Variants in CUL3 observed in about 807,000 individuals in gnomAD.
The protein encoded by CUL3 is cullin 3.
Under a neutral mutation model 89.1 loss-of-function variants are expected in CUL3, and 19 were observed. The observed-to-expected ratio is 0.21, with a 90% confidence interval of 0.15 to 0.31. The LOEUF (loss-of-function observed/expected upper bound fraction) is 0.31. CUL3 is among the 10% of genes least tolerant of loss of function. The pLI, the probability that CUL3 is intolerant of heterozygous loss-of-function variation, is 1.00. For synonymous variants in CUL3, 351 were observed against 308.4 expected, an observed-to-expected ratio of 1.14 and a Z score of -1.45; for missense variants, 469 against 942.3, an observed-to-expected ratio of 0.50 and a Z score of 6.58.
intron 13 of CUL3, among the ~76,000 whole-genome samples, chr2:224,484,778 C>T (rs953197815): frequency 2.0e-5 from 3 of 152,188 alleles, no homozygotes; most frequent in Admixed American, 2.0e-4. Context: ...CTACCCTCTT[C>T]TCATTCCCAC....
At chr2:224,575,949 T>C (rs1695287741) in intron 1 of CUL3, among the ~76,000 whole-genome samples, 1 of 152,080 alleles carries the variant, frequency 6.6e-6, no homozygotes, top group East Asian at 1.9e-4. Flanking sequence ...ATGAATGACT[T>C]CCACATGCAA....
chr2:224,491,544 T>C (rs897758260), intron 13 of CUL3, among the ~76,000 whole-genome samples: 1 of 152,218 alleles, frequency 6.6e-6, no homozygotes, highest in Non-Finnish European at 1.5e-5. Flanking sequence ...TTCCTGATAC[T>C]TATGAATTTC....
At chr2:224,563,774 TAAC>T (rs1694973147) in intron 1 of CUL3, among the ~76,000 whole-genome samples, 1 of 152,282 alleles carries the variant, frequency 6.6e-6, no homozygotes, top group Middle Eastern at 3.4e-3. Context: ...CTTGGTAACT[TAAC>T]AGCCATCTGG....
chr2:224,541,476 T>C (rs1333989691), intron 2 of CUL3, among the ~76,000 whole-genome samples: 1 of 152,180 alleles, frequency 6.6e-6, no homozygotes, highest in Admixed American at 6.5e-5. Context: ...AGAACTACCA[T>C]AAACAAAATG....
At chr2:224,514,525 T>C (rs993648365) in intron 4 of CUL3, 87 bp downstream of exon 4, 24 of 1,167,342 alleles carry the variant, frequency 2.1e-5, no homozygotes, top group African/African-American at 4.7e-5. Context: ...CAAACTTTTA[T>C]TTATTTTAAT....
At chr2:224,550,562 A>C (rs1002469890) in intron 2 of CUL3, among the ~76,000 whole-genome samples, 39 of 152,218 alleles carry the variant, frequency 2.6e-4, no homozygotes, top group African/African-American at 9.4e-4. Flanking sequence ...TAACCTGTTC[A>C]AAATGGAGCT....
chr2:224,502,924 T>C, intron 10 of CUL3, 41 bp downstream of exon 10: 1 of 1,420,116 alleles, frequency 7.0e-7, no homozygotes, highest in Middle Eastern at 1.8e-4. Flanking sequence ...TACAAAAGAC[T>C]TTACATGAAT....
intron 13 of CUL3, among the ~76,000 whole-genome samples, chr2:224,493,448 A>T (rs1329993893): frequency 6.6e-6 from 1 of 152,254 alleles, no homozygotes; most frequent in Admixed American, 6.5e-5. Flanking sequence ...AGGTGTCAGC[A>T]GCCAGAAGGC....
intron 12 of CUL3, among the ~76,000 whole-genome samples, chr2:224,496,810 T>C (rs1692186194): frequency 6.6e-6 from 1 of 152,128 alleles, no homozygotes; most frequent in South Asian, 2.1e-4. Flanking sequence ...AACATATGCA[T>C]ATGTTTTAAA....
Position 224,511,384 on chromosome 2 carries a change from C to T in CUL3, c.853G>A (p.Val285Ile). The change falls in exon 6 of 16, where the codon GTA becomes ATA. Residue 285 changes from valine to isoleucine, a missense_variant. Around this residue, in one of 4 missense-constraint regions of CUL3, gnomAD observed 370 missense variants for 733.2 expected, o/e 0.50. Coordinates refer to ENST00000264414, the MANE Select transcript of CUL3 (RefSeq NM_003590.5). ...GTCTTTCCATTTTTCAACATATGTA[C>T]TAGCCCAGAATTCTCCATTTCTACT... ...TIVEMENSGL[V>I]HMLKNGKTED... 1 of 1,612,332 alleles carries T rather than the reference C, an allele frequency of 6.2e-7. No individual in the cohort carries two copies.
chr2:224,489,888 C>T (rs562938964), intron 13 of CUL3, among the ~76,000 whole-genome samples: 2 of 152,206 alleles, frequency 1.3e-5, no homozygotes, highest in East Asian at 3.9e-4. Context: ...TTCTGCACAG[C>T]AAGGAAACTA....
At chr2:224,509,057 T>C (rs149962423) in intron 6 of CUL3, among the ~76,000 whole-genome samples, 1,701 of 152,230 alleles carry the variant, frequency 0.011, 23 homozygotes, top group African/African-American at 0.035. Flanking sequence ...GAGAAAACTG[T>C]TTTTCATTTT....
chr2:224,499,017 G>A (rs570017565), intron 11 of CUL3, among the ~76,000 whole-genome samples: 1 of 152,272 alleles, frequency 6.6e-6, no homozygotes, highest in East Asian at 1.9e-4. Context: ...ATGTCAATAT[G>A]CTGAATACTC....
chr2:224,509,454 C>T (rs1484310475), intron 6 of CUL3, among the ~76,000 whole-genome samples: 1 of 152,142 alleles, frequency 6.6e-6, no homozygotes, highest in African/African-American at 2.4e-5. Context: ...TGAGCTCAAG[C>T]GATCCACCTG....
At chr2:224,553,316 T>C (rs1429521692) in intron 2 of CUL3, among the ~76,000 whole-genome samples, 2 of 152,220 alleles carry the variant, frequency 1.3e-5, no homozygotes, top group Non-Finnish European at 2.9e-5. Context: ...AATTGCTACA[T>C]TTCCTAGTCA....
At chr2:224,519,704 C>T (rs1693193553) in intron 3 of CUL3, among the ~76,000 whole-genome samples, 2 of 152,180 alleles carry the variant, frequency 1.3e-5, no homozygotes, top group South Asian at 4.1e-4. Flanking sequence ...ATTAAGGGTA[C>T]AGATGCATAA....
In CUL3 at chr2:224,472,528, A is replaced by G. The variant is rs1691168118; in HGVS notation, c.*1717T>C. The G allele has an allele frequency of 5.3e-6, 1 of 187,436 alleles. No homozygotes were observed. Among genetic ancestry groups the G allele is most frequent in the African/African-American group, 2.3e-5 (1 of 42,852 alleles). 11.6% of individuals were successfully genotyped at this position (187,436 alleles called of 1,614,324 possible). On this transcript the variant is annotated 3_prime_UTR_variant, in exon 16 of 16. Transcript: ENST00000264414. ...CAGAAGGTGAAACCCTTAGCTTTCC[A>G]TGTTACACCTGACTTAGTACTACTC... is the stretch of plus-strand genomic sequence containing the variant.
chr2:224,472,355 C>T lies in CUL3; in HGVS notation c.*1890G>A, dbSNP rs1182920855. 4.8e-6 allele frequency: 1 copy of T among 209,628 alleles called. No individual in the cohort carries two copies. Among genetic ancestry groups the T allele is most frequent in the Non-Finnish European group, 9.7e-6 (1 of 103,306 alleles). 13.0% of individuals were successfully genotyped at this position (209,628 alleles called of 1,614,324 possible). On this transcript the variant is annotated 3_prime_UTR_variant, in exon 16 of 16. Coordinates refer to ENST00000264414, the MANE Select transcript of CUL3 (RefSeq NM_003590.5). ...TTTTTACATCGCTCATGTTTACTAA[C>T]TCGACAATCTGAGCTGTCCTGTTTT...
chr2:224,510,051 A>T (rs1692756128), intron 6 of CUL3, among the ~76,000 whole-genome samples: 1 of 152,224 alleles, frequency 6.6e-6, no homozygotes, highest in Non-Finnish European at 1.5e-5. Context: ...GGGCCCATAA[A>T]TAAAGTCTTA....
Sources: gnomAD v4.1 joint callset for allele counts (sites outside exome capture counted in the v4.1 genomes callset) on GRCh38, gnomAD v4.1.1 for gene constraint, gnomAD v4.1.1 regional missense constraint, MANE v1.5 for transcripts, NCBI Gene and HGNC (gene_info 2026-07-23, HGNC 2026-07-21) for gene names.